The following EXOC2 variants were observed in gnomAD, a reference collection of about 807,000 sequenced individuals.
EXOC2 encodes exocyst complex component 2, also known as SEC5-like 1.
In EXOC2, 70 loss-of-function variants were observed where a neutral mutation model predicts 131.8. That is an observed-to-expected ratio of 0.53 (90% CI 0.44 to 0.65). The LOEUF (loss-of-function observed/expected upper bound fraction) is 0.65. EXOC2 is among the 30% of genes least tolerant of loss of function. EXOC2 has a pLI of 0.00. For synonymous variants in EXOC2, 411 were observed against 398.4 expected, an observed-to-expected ratio of 1.03 and a Z score of -0.38; for missense variants, 923 against 1,108.6, an observed-to-expected ratio of 0.83 and a Z score of 2.38.
At chr6:593,881 A>G (rs1759675002) in intron 10 of EXOC2, among the ~76,000 whole-genome samples, 1 of 152,224 alleles carries the variant, frequency 6.6e-6, no homozygotes, top group African/African-American at 2.4e-5. Flanking sequence ...GAGGAGAAAC[A>G]AATCCACTTT....
At chr6:488,144 G>C (rs1399335914) in intron 27 of EXOC2, among the ~76,000 whole-genome samples, 1 of 152,186 alleles carries the variant, frequency 6.6e-6, no homozygotes, top group Non-Finnish European at 1.5e-5. Context: ...CCCGGGGACT[G>C]ATGGTGGAAG....
chr6:490,678 T>C (rs529350995), intron 26 of EXOC2, among the ~76,000 whole-genome samples: 18 of 152,354 alleles, frequency 1.2e-4, no homozygotes, highest in South Asian at 2.1e-4. Flanking sequence ...AGACAAACAG[T>C]AGTTCTGCTT....
chr6:613,313 G>A (rs533540870), intron 6 of EXOC2, among the ~76,000 whole-genome samples: 1 of 152,246 alleles, frequency 6.6e-6, no homozygotes, highest in Non-Finnish European at 1.5e-5. Context: ...ACCGACAATG[G>A]CATAAAAACT....
intron 16 of EXOC2, among the ~76,000 whole-genome samples, chr6:563,315 C>A (rs772854977): frequency 6.6e-6 from 1 of 152,174 alleles, no homozygotes; most frequent in African/African-American, 2.4e-5. Flanking sequence ...TTGGGGCAGG[C>A]TCAGGTTCCT....
Position 598,791 on chromosome 6 carries a change from G to A in EXOC2, c.970+69C>T. On this transcript the variant is annotated intron_variant, in intron 9 of 27. Coordinates refer to ENST00000230449, the MANE Select transcript of EXOC2 (RefSeq NM_018303.6). ...ACTAAAAACTCATATAACATTCTTTGCAGAACACATTCCACATTCTTCCTA... is the reference window on the plus strand; with the variant it reads ...ACTAAAAACTCATATAACATTCTTTACAGAACACATTCCACATTCTTCCTA... 4.7e-6 allele frequency: 6 copies of A among 1,273,556 alleles called. No homozygotes were observed. In the South Asian group the frequency reaches 7.8e-5, roughly 17 times the overall value. 78.9% of individuals were successfully genotyped at this position (1,273,556 alleles called of 1,614,324 possible).
intron 1 of EXOC2, among the ~76,000 whole-genome samples, chr6:692,655 A>C (rs1019185596): frequency 1.2e-4 from 19 of 152,256 alleles, no homozygotes; most frequent in Non-Finnish European, 2.4e-4. Context: ...AGAAATTCTC[A>C]AATCTCACGG....
chr6:487,074 A>T (rs936731255), intron 27 of EXOC2, among the ~76,000 whole-genome samples: 1 of 152,230 alleles, frequency 6.6e-6, no homozygotes, highest in African/African-American at 2.4e-5. Flanking sequence ...CAACTCTAAA[A>T]TAATTTACAC....
At chr6:514,089 G>A (rs953832199) in intron 23 of EXOC2, among the ~76,000 whole-genome samples, 3 of 152,250 alleles carry the variant, frequency 2.0e-5, no homozygotes, top group African/African-American at 7.2e-5. Context: ...GCTGTAGACA[G>A]TGTTTCGTCT....
chr6:575,026 C>T (rs113951806), intron 12 of EXOC2, among the ~76,000 whole-genome samples: 180 of 152,344 alleles, frequency 1.2e-3, no homozygotes, highest in African/African-American at 4.2e-3. Context: ...TGCCTTTGAT[C>T]GATTTGGATG....
intron 22 of EXOC2, among the ~76,000 whole-genome samples, chr6:546,566 G>C (rs765208551): frequency 3.9e-5 from 6 of 152,106 alleles, no homozygotes; most frequent in Non-Finnish European, 8.8e-5. Flanking sequence ...TTCTGCCTCC[G>C]CCACCCCTGA....
intron 1 of EXOC2, among the ~76,000 whole-genome samples, chr6:649,330 A>C (rs375047489): frequency 4.4e-4 from 67 of 152,380 alleles, no homozygotes; most frequent in African/African-American, 1.5e-3. Flanking sequence ...AATAATATAC[A>C]AAGTACTAAA....
chr6:543,284 T>C (rs1178204686), intron 22 of EXOC2, among the ~76,000 whole-genome samples: 6 of 152,200 alleles, frequency 3.9e-5, no homozygotes, highest in African/African-American at 1.4e-4. Flanking sequence ...CTACACAGCC[T>C]TAAAGAAGAA....
chr6:642,075 C>A (rs1009047336), intron 1 of EXOC2, among the ~76,000 whole-genome samples: 34 of 152,136 alleles, frequency 2.2e-4, no homozygotes, highest in African/African-American at 7.5e-4. Context: ...CCCACATGAG[C>A]CCATTCACCT....
Position 675,810 on chromosome 6 carries a change from C to T in EXOC2, c.-44+17209G>A, listed in dbSNP as rs1241130567. On this transcript the variant is annotated intron_variant, in intron 1 of 27. Coordinates refer to ENST00000230449, the MANE Select transcript of EXOC2 (RefSeq NM_018303.6). Reference sequence around the variant, plus strand: ...CAGAAAGGATAGGTTCCTCTGGAGACTCTGAGGTTCCCCATACTCTTCAAC... The same window carrying T: ...CAGAAAGGATAGGTTCCTCTGGAGATTCTGAGGTTCCCCATACTCTTCAAC... Among the ~76,000 whole-genome samples the T allele has an allele frequency of 3.2e-5, 2 of 62,488 alleles. 1 individual carries two copies. Among genetic ancestry groups the T allele is most frequent in the Non-Finnish European group, 7.5e-5 (2 of 26,792 alleles). 41.0% of individuals were successfully genotyped at this position (62,488 alleles called of 152,430 possible).
At chr6:516,658 G>A (rs1765181052) in intron 23 of EXOC2, among the ~76,000 whole-genome samples, 1 of 152,244 alleles carries the variant, frequency 6.6e-6, no homozygotes, top group African/African-American at 2.4e-5. Flanking sequence ...TAATAGCTGG[G>A]CTGGGGGAAG....
intron 1 of EXOC2, among the ~76,000 whole-genome samples, chr6:652,513 A>G (rs1005350478): frequency 6.6e-6 from 1 of 152,322 alleles, no homozygotes; most frequent in South Asian, 2.1e-4. Context: ...TGCCAAGTTA[A>G]TGGCTTATCT....
At chr6:574,290 A>C (rs950064822) in intron 12 of EXOC2, among the ~76,000 whole-genome samples, 15 of 152,184 alleles carry the variant, frequency 9.9e-5, no homozygotes, top group African/African-American at 3.6e-4. Context: ...ATTTTGATAG[A>C]TATTATTGAA....
intron 4 of EXOC2, among the ~76,000 whole-genome samples, chr6:625,828 TC>T (rs1761536654): frequency 6.6e-6 from 1 of 152,132 alleles, no homozygotes; most frequent in Non-Finnish European, 1.5e-5. Context: ...AACTGACTCT[TC>T]TAGACAGCCA....
At chr6:579,914 T>C (rs1758792298) in intron 11 of EXOC2, among the ~76,000 whole-genome samples, 1 of 152,132 alleles carries the variant, frequency 6.6e-6, no homozygotes, top group African/African-American at 2.4e-5. Context: ...CCATAAAATA[T>C]AAAATCAGCA....
Sources: gnomAD v4.1 joint callset for allele counts (sites outside exome capture counted in the v4.1 genomes callset) on GRCh38, gnomAD v4.1.1 for gene constraint, MANE v1.5 for transcripts, NCBI Gene and HGNC (gene_info 2026-07-23, HGNC 2026-07-21) for gene names.